Variants in ASTN2 observed in about 807,000 individuals in gnomAD.
ASTN2 encodes the protein astrotactin-2.
ASTN2 carries 54 observed loss-of-function variants against 139.8 expected under a neutral mutation model. That is an observed-to-expected ratio of 0.39 (90% CI 0.31 to 0.48). The LOEUF (loss-of-function observed/expected upper bound fraction) is 0.48. Among genes scored for constraint, ASTN2 ranks in the 20% least tolerant of loss-of-function variants. ASTN2 has a pLI of 0.95. For missense variants in ASTN2, 1,565 were observed against 1,725.1 expected, an observed-to-expected ratio of 0.91 and a Z score of 1.64; for synonymous variants, 756 against 719.5, an observed-to-expected ratio of 1.05 and a Z score of -0.81.
chr9:117,304,636 C>T (rs1834955370), intron 1 of ASTN2, among the ~76,000 whole-genome samples: 1 of 152,154 alleles, frequency 6.6e-6, no homozygotes, highest in South Asian at 2.1e-4. Flanking sequence ...GTGTAGTCTG[C>T]CTCTATATTC....
In ASTN2 at chr9:116,792,726, C is replaced by A. The variant is rs560424201; in HGVS notation, c.2396+12906G>T. Among the ~76,000 whole-genome samples, 188 of 152,302 alleles carry A rather than the reference C, an allele frequency of 1.2e-3. 1 individual carries two copies. Among genetic ancestry groups the A allele is most frequent in the South Asian group, 2.3e-3 (11 of 4,826 alleles). ...TCTAGAGAGGATTATACGCAGAAGA[C>A]TTCTTTAAGATTCCATGGATCTCTA... is the stretch of plus-strand genomic sequence containing the variant. On this transcript the variant is annotated intron_variant, in intron 13 of 22. Transcript: ENST00000313400.
At chr9:116,903,244 C>A in intron 10 of ASTN2, among the ~76,000 whole-genome samples, 1 of 152,202 alleles carries the variant, frequency 6.6e-6, no homozygotes, top group East Asian at 1.9e-4. Flanking sequence ...ACTTTTATGG[C>A]ACTTATTACC....
intron 20 of ASTN2, among the ~76,000 whole-genome samples, chr9:116,450,239 C>T (rs1319223403): frequency 6.6e-6 from 1 of 152,192 alleles, no homozygotes; most frequent in Non-Finnish European, 1.5e-5. Flanking sequence ...TTTCACACTA[C>T]AATGGCAGAA....
At chr9:117,163,079 G>C (rs1310947364) in intron 3 of ASTN2, among the ~76,000 whole-genome samples, 2 of 150,310 alleles carry the variant, frequency 1.3e-5, no homozygotes, top group East Asian at 2.0e-4. Context: ...TCTCTGCCAG[G>C]CTCCATCTAC....
At chr9:117,342,508 T>C (rs1388757081) in intron 1 of ASTN2, among the ~76,000 whole-genome samples, 1 of 152,142 alleles carries the variant, frequency 6.6e-6, no homozygotes, top group African/African-American at 2.4e-5. Context: ...CTTTGTGTGA[T>C]TTTGTGAATT....
chr9:117,232,393 A>G (rs898407643), intron 2 of ASTN2, among the ~76,000 whole-genome samples: 9 of 151,992 alleles, frequency 5.9e-5, no homozygotes, highest in Non-Finnish European at 1.0e-4. Context: ...GAGCTTGCAT[A>G]ACTCTTTCCC....
At chr9:116,821,673 T>C (rs996673779) in intron 11 of ASTN2, among the ~76,000 whole-genome samples, 4 of 152,078 alleles carry the variant, frequency 2.6e-5, no homozygotes, top group African/African-American at 7.2e-5. Context: ...ATCAAGGTCC[T>C]CCCTTTATAG....
chr9:117,372,824 C>T (rs1406279528), intron 1 of ASTN2, among the ~76,000 whole-genome samples: 4 of 152,196 alleles, frequency 2.6e-5, no homozygotes, highest in East Asian at 1.9e-4. Flanking sequence ...GGGAGGAATC[C>T]TTTGCAAATT....
At chr9:116,678,898 T>C (rs781490055) in intron 16 of ASTN2, among the ~76,000 whole-genome samples, 9 of 152,188 alleles carry the variant, frequency 5.9e-5, no homozygotes, top group Non-Finnish European at 1.3e-4. Context: ...TTTTAAAAAG[T>C]AGTTTTAACA....
At chr9:116,753,027 A>G (rs1829439059) in intron 13 of ASTN2, among the ~76,000 whole-genome samples, 1 of 152,210 alleles carries the variant, frequency 6.6e-6, no homozygotes, top group South Asian at 2.1e-4. Context: ...ATTTACCCAA[A>G]TGAGTGTAAA....
intron 19 of ASTN2, among the ~76,000 whole-genome samples, chr9:116,489,306 CTTTAT>C (rs898867659): frequency 3.3e-5 from 5 of 151,940 alleles, no homozygotes; most frequent in African/African-American, 7.2e-5. Flanking sequence ...AAGTTTCATT[CTTTAT>C]TTTATTTATT....
intron 10 of ASTN2, among the ~76,000 whole-genome samples, chr9:116,905,206 T>A (rs1834123131): frequency 6.6e-6 from 1 of 152,156 alleles, no homozygotes; most frequent in Non-Finnish European, 1.5e-5. Flanking sequence ...GAAGAGCGTG[T>A]GCTCCTTTTG....
intron 19 of ASTN2, among the ~76,000 whole-genome samples, chr9:116,590,568 T>C (rs1854337916): frequency 1.3e-5 from 2 of 152,042 alleles, no homozygotes. Flanking sequence ...GAGTTTCCTG[T>C]GTGGAAAGGG....
chr9:116,738,775 C>T lies in ASTN2; in HGVS notation c.2397-5252G>A, dbSNP rs371091230. 1.1e-4 allele frequency among the ~76,000 whole-genome samples: 17 copies of T among 152,232 alleles called. 2 individuals are homozygous for T. The highest frequency in any genetic ancestry group is 3.9e-4 in the Admixed American group (6 of 15,298). On this transcript the variant is annotated intron_variant, in intron 13 of 22. Coordinates refer to ENST00000313400, the MANE Select transcript of ASTN2 (RefSeq NM_001365068.1). ...GTTTGAAAGTGGCAGTGGCCAAGAC[C>T]GCATTCTAACCCCTAGCTTCCAGCT...
At chr9:116,931,079 A>G (rs1330306256) in intron 10 of ASTN2, among the ~76,000 whole-genome samples, 1 of 151,946 alleles carries the variant, frequency 6.6e-6, no homozygotes, top group Non-Finnish European at 1.5e-5. Context: ...GCTCTCCAAC[A>G]TGCCACGTAC....
intron 16 of ASTN2, among the ~76,000 whole-genome samples, chr9:116,682,514 T>C (rs1314152453): frequency 6.6e-6 from 1 of 152,198 alleles, no homozygotes; most frequent in Non-Finnish European, 1.5e-5. Context: ...GACCCAGCCA[T>C]CCCATTACTG....
intron 19 of ASTN2, among the ~76,000 whole-genome samples, chr9:116,521,341 CCAAAGACTTA>C (rs1850862463): frequency 6.6e-6 from 1 of 151,990 alleles, no homozygotes; most frequent in Non-Finnish European, 1.5e-5. Flanking sequence ...AGAAATAAAG[CCAAAGACTTA>C]TAGCCACTGA....
intron 5 of ASTN2, among the ~76,000 whole-genome samples, chr9:117,066,485 G>C (rs1367359517): frequency 1.6e-4 from 24 of 149,236 alleles, no homozygotes; most frequent in Non-Finnish European, 3.4e-4. Flanking sequence ...ACATACGTGT[G>C]CATGTGTCTT....
chr9:116,729,043 C>A lies in ASTN2; in HGVS notation c.2575G>T (p.Val859Phe). The A allele has an allele frequency of 1.3e-6, 2 of 1,592,974 alleles. No homozygotes were observed. Among genetic ancestry groups the A allele is most frequent in the Non-Finnish European group, 1.7e-6 (2 of 1,168,212 alleles). The change falls in exon 15 of 23, where the codon GTC becomes TTC. Residue 859 changes from valine (V) to phenylalanine (F), a missense_variant. Val to Phe is a conservative substitution (Grantham distance 50, BLOSUM62 -1). Coordinates refer to ENST00000313400, the MANE Select transcript of ASTN2 (RefSeq NM_001365068.1). ...MGYPMVQQWR[V>F]RSNLYRVKLS... ...TTCACACGGTAGAGGTTGCTCCGGA[C>A]CCGCCACTGCTGCACCATGGGGTAA...
Sources: gnomAD v4.1 joint callset for allele counts (sites outside exome capture counted in the v4.1 genomes callset) on GRCh38, gnomAD v4.1.1 for gene constraint, MANE v1.5 for transcripts, NCBI Gene and HGNC (gene_info 2026-07-23, HGNC 2026-07-21) for gene names.